Variants in BRINP3 observed in about 807,000 individuals in gnomAD.
BRINP3 encodes the protein BMP/retinoic acid inducible neural specific 3, also known as BMP/retinoic acid-inducible neural-specific protein 3.
Under a neutral mutation model 71.0 loss-of-function variants are expected in BRINP3, and 19 were observed. The ratio of observed to expected loss-of-function variants is 0.27; its 90% CI spans 0.19 to 0.39. The LOEUF is 0.39. BRINP3 is among the 10% of genes least tolerant of loss of function. The pLI is 1.00. For missense variants in BRINP3, 959 were observed against 940.8 expected, an observed-to-expected ratio of 1.02 and a Z score of -0.25; for synonymous variants, 380 against 337.7, an observed-to-expected ratio of 1.13 and a Z score of -1.37.
chr1:190,153,252 T>C (rs1656576804), intron 7 of BRINP3, among the ~76,000 whole-genome samples: 1 of 152,162 alleles, frequency 6.6e-6, no homozygotes, highest in Non-Finnish European at 1.5e-5. Context: ...AGTAACAGTT[T>C]GTTTGCATTT....
At chr1:190,166,555 T>C (rs962494672) in intron 6 of BRINP3, among the ~76,000 whole-genome samples, 1 of 152,128 alleles carries the variant, frequency 6.6e-6, no homozygotes, top group Non-Finnish European at 1.5e-5. Flanking sequence ...AAGAAACAGG[T>C]GTACCACCCA....
chr1:190,331,726 G>A (rs1040844824), intron 2 of BRINP3, among the ~76,000 whole-genome samples: 5 of 151,996 alleles, frequency 3.3e-5, no homozygotes, highest in Non-Finnish European at 7.4e-5. Context: ...AATGGAAACA[G>A]TAGATCACCT....
At chr1:190,470,605 A>C (rs1677071626) in intron 1 of BRINP3, among the ~76,000 whole-genome samples, 1 of 151,164 alleles carries the variant, frequency 6.6e-6, no homozygotes, top group Admixed American at 6.6e-5. Flanking sequence ...TTGAACAATA[A>C]AACATTGACA....
intron 2 of BRINP3, among the ~76,000 whole-genome samples, chr1:190,418,672 CAG>C (rs1316675206): frequency 1.3e-5 from 2 of 151,964 alleles, no homozygotes; most frequent in African/African-American, 2.4e-5. Flanking sequence ...ATCTGCAAAA[CAG>C]AAAAACAACA....
chr1:190,149,592 G>A (rs1206716668), intron 7 of BRINP3, among the ~76,000 whole-genome samples: 8 of 151,772 alleles, frequency 5.3e-5, no homozygotes, highest in Non-Finnish European at 8.8e-5. Context: ...CAGTGCGTGC[G>A]TGTTAGTGTG....
At chr1:190,161,208 G>A (rs886120536) in intron 6 of BRINP3, among the ~76,000 whole-genome samples, 1 of 151,848 alleles carries the variant, frequency 6.6e-6, no homozygotes, top group Admixed American at 6.6e-5. Flanking sequence ...TCTTTTAAAC[G>A]TCTTTCAGTA....
intron 7 of BRINP3, among the ~76,000 whole-genome samples, chr1:190,135,262 AT>A (rs1274086669): frequency 2.0e-5 from 3 of 152,104 alleles, no homozygotes; most frequent in Non-Finnish European, 1.5e-5. Context: ...AAATAATAAG[AT>A]TTTAATGGTA....
chr1:190,450,732 T>G (rs1358494049), intron 2 of BRINP3, among the ~76,000 whole-genome samples: 1 of 152,086 alleles, frequency 6.6e-6, no homozygotes, highest in African/African-American at 2.4e-5. Context: ...GCCTTTCCTA[T>G]TGAGATCATT....
intron 7 of BRINP3, among the ~76,000 whole-genome samples, chr1:190,144,134 G>C (rs1655687662): frequency 6.6e-6 from 1 of 152,046 alleles, no homozygotes; most frequent in Non-Finnish European, 1.5e-5. Context: ...AATGTGCCAA[G>C]AAAATTACAG....
Position 190,283,326 on chromosome 1 carries a change from G to T in BRINP3, c.237-1576C>A, listed in dbSNP as rs190352592. Among the ~76,000 whole-genome samples, 7 of 152,090 alleles carry T rather than the reference G, an allele frequency of 4.6e-5. No individual in the cohort carries two copies. In the East Asian group the frequency reaches 1.4e-3, roughly 29 times the overall value. On this transcript the variant is annotated intron_variant, in intron 2 of 7. Coordinates refer to ENST00000367462, the MANE Select transcript of BRINP3 (RefSeq NM_199051.3). ...AGAGATTCTGATTCATTAGGTATTA[G>T]ATAGGAGTTAGAATCTGCATTTTAA... is the stretch of plus-strand genomic sequence containing the variant.
intron 2 of BRINP3, among the ~76,000 whole-genome samples, chr1:190,445,198 A>G (rs1571330330): frequency 6.6e-6 from 1 of 152,260 alleles, no homozygotes; most frequent in Admixed American, 6.5e-5. Flanking sequence ...CTACTTCTAT[A>G]AAGATTGGTC....
intron 4 of BRINP3, among the ~76,000 whole-genome samples, chr1:190,260,557 TAGAG>T (rs1180068810): frequency 1.3e-5 from 2 of 151,318 alleles, no homozygotes; most frequent in East Asian, 1.9e-4. Flanking sequence ...TATATATATA[TAGAG>T]AGAGAGAGGT....
intron 6 of BRINP3, among the ~76,000 whole-genome samples, chr1:190,168,414 G>A (rs1253761360): frequency 6.6e-6 from 1 of 152,040 alleles, no homozygotes; most frequent in African/African-American, 2.4e-5. Flanking sequence ...TGGGGCCCTG[G>A]TATGCTACAA....
chr1:190,116,013 A>G (rs981495403), intron 7 of BRINP3, among the ~76,000 whole-genome samples: 1 of 152,058 alleles, frequency 6.6e-6, no homozygotes, highest in African/African-American at 2.4e-5. Context: ...CTCTATTCCT[A>G]TTTTTATTCC....
intron 2 of BRINP3, among the ~76,000 whole-genome samples, chr1:190,356,619 C>A (rs1275889729): frequency 6.6e-6 from 1 of 151,946 alleles, no homozygotes; most frequent in South Asian, 2.1e-4. Flanking sequence ...GTTCAGACCT[C>A]CTGCCTCTCT....
In BRINP3 at chr1:190,097,958, G is replaced by T; in HGVS notation, c.*60C>A. Reference sequence around the variant, plus strand: ...AAATTTACTCTTCCAAACATAAACTGTTCCACAAAAGCACTGTAAAAACTC... The same window carrying T: ...AAATTTACTCTTCCAAACATAAACTTTTCCACAAAAGCACTGTAAAAACTC... On this transcript the variant is annotated 3_prime_UTR_variant, in exon 8 of 8. Transcript: ENST00000367462. 6.7e-7 allele frequency: 1 copy of T among 1,489,622 alleles called. No individual in the cohort carries two copies. The highest frequency in any genetic ancestry group is 2.3e-5 in the East Asian group (1 of 44,024). 92.3% of individuals were successfully genotyped at this position (1,489,622 alleles called of 1,614,324 possible).
intron 7 of BRINP3, among the ~76,000 whole-genome samples, chr1:190,112,066 G>A (rs946566853): frequency 9.9e-5 from 15 of 152,230 alleles, no homozygotes; most frequent in African/African-American, 3.6e-4. Context: ...AGAGGAAGTT[G>A]AGCCTATTGA....
At chr1:190,374,667 C>T (rs1320891543) in intron 2 of BRINP3, among the ~76,000 whole-genome samples, 1 of 151,654 alleles carries the variant, frequency 6.6e-6, no homozygotes, top group Non-Finnish European at 1.5e-5. Context: ...CCATAGAAGA[C>T]ATAATGTGAG....
chr1:190,157,097 A>T (rs146295372), intron 7 of BRINP3, among the ~76,000 whole-genome samples: 97 of 151,888 alleles, frequency 6.4e-4, no homozygotes, highest in African/African-American at 2.2e-3. Context: ...TCCCAAGAGG[A>T]TTGGTTCCAG....
Sources: allele counts gnomAD v4.1 joint callset (sites outside exome capture counted in the v4.1 genomes callset), GRCh38; gene constraint gnomAD v4.1.1; transcripts MANE v1.5; gene names NCBI Gene and HGNC (gene_info 2026-07-23, HGNC 2026-07-21).